GPC6: variants seen among roughly 807,000 people sequenced by gnomAD.
GPC6 encodes the protein glypican 6.
In GPC6, 14 loss-of-function variants were observed where a neutral mutation model predicts 55.2. That is an observed-to-expected ratio of 0.25 (90% CI 0.17 to 0.40). The LOEUF (loss-of-function observed/expected upper bound fraction) is 0.40, where lower values mean the gene tolerates loss of function less well. GPC6 is among the 10% of genes least tolerant of loss of function. The pLI is 1.00. For missense variants in GPC6, 641 were observed against 708.5 expected, an observed-to-expected ratio of 0.90 and a Z score of 1.08; for synonymous variants, 278 against 259.6, an observed-to-expected ratio of 1.07 and a Z score of -0.68.
At chr13:93,999,261 A>T (rs1375242927) in intron 3 of GPC6, among the ~76,000 whole-genome samples, 2 of 152,046 alleles carry the variant, frequency 1.3e-5, no homozygotes, top group African/African-American at 4.8e-5. Flanking sequence ...ACTCCCATTT[A>T]TGAGTGAGGA....
intron 1 of GPC6, among the ~76,000 whole-genome samples, chr13:93,464,467 G>A (rs1594188705): frequency 6.6e-6 from 1 of 152,204 alleles, no homozygotes; most frequent in Non-Finnish European, 1.5e-5. Flanking sequence ...GATGGTCACA[G>A]CATCTTCAGC....
At chr13:94,386,108 C>T (rs1880388400) in intron 7 of GPC6, among the ~76,000 whole-genome samples, 1 of 150,620 alleles carries the variant, frequency 6.6e-6, no homozygotes, top group South Asian at 2.1e-4. Context: ...GCCTGTAATC[C>T]CAGCACTTTG....
intron 1 of GPC6, among the ~76,000 whole-genome samples, chr13:93,519,189 C>A (rs891692905): frequency 1.3e-5 from 2 of 152,030 alleles, no homozygotes; most frequent in African/African-American, 4.8e-5. Context: ...ACTGGTGTAA[C>A]TTTTCTGTAT....
intron 2 of GPC6, among the ~76,000 whole-genome samples, chr13:93,589,726 C>A (rs1048264353): frequency 1.3e-5 from 2 of 152,110 alleles, no homozygotes; most frequent in Non-Finnish European, 2.9e-5. Flanking sequence ...TTAGTAAATG[C>A]ATTTATTGTG....
chr13:93,403,928 T>C (rs188457600), intron 1 of GPC6, among the ~76,000 whole-genome samples: 3 of 152,238 alleles, frequency 2.0e-5, no homozygotes, highest in Admixed American at 1.3e-4. Context: ...TTATTGGAAA[T>C]TTTGATTTAT....
At chr13:93,498,537 C>G (rs1880395575) in intron 1 of GPC6, among the ~76,000 whole-genome samples, 1 of 152,144 alleles carries the variant, frequency 6.6e-6, no homozygotes, top group African/African-American at 2.4e-5. Context: ...CTTTCTTGTG[C>G]TACTCTCATG....
At chr13:93,935,868 A>C (rs899564920) in intron 3 of GPC6, among the ~76,000 whole-genome samples, 1 of 152,254 alleles carries the variant, frequency 6.6e-6, no homozygotes, top group African/African-American at 2.4e-5. Flanking sequence ...TGAAGAATGC[A>C]GATTCCTGGG....
chr13:93,624,996 T>A (rs975029726), intron 2 of GPC6, among the ~76,000 whole-genome samples: 1 of 152,226 alleles, frequency 6.6e-6, no homozygotes, highest in Non-Finnish European at 1.5e-5. Context: ...TCTATGACAT[T>A]ATTTGTCCTT....
intron 2 of GPC6, among the ~76,000 whole-genome samples, chr13:93,782,700 A>G (rs1005051833): frequency 2.0e-5 from 3 of 152,178 alleles, no homozygotes; most frequent in African/African-American, 7.2e-5. Context: ...ACTTTTACAT[A>G]TACCTGTTGA....
At chr13:93,892,758 C>T (rs1456127883) in intron 3 of GPC6, among the ~76,000 whole-genome samples, 3 of 152,160 alleles carry the variant, frequency 2.0e-5, no homozygotes, top group Non-Finnish European at 4.4e-5. Flanking sequence ...TATCATTAAC[C>T]TCTTTCCATT....
At chr13:93,748,657 A>C (rs1884481137) in intron 2 of GPC6, among the ~76,000 whole-genome samples, 2 of 152,122 alleles carry the variant, frequency 1.3e-5, no homozygotes, top group African/African-American at 4.8e-5. Context: ...TATTAGCAGT[A>C]ATTCACAAAG....
intron 2 of GPC6, among the ~76,000 whole-genome samples, chr13:93,575,034 C>G (rs1273782487): frequency 5.9e-5 from 9 of 152,248 alleles, no homozygotes; most frequent in African/African-American, 2.2e-4. Context: ...TGGCTCATGC[C>G]TGTAATCCCA....
In GPC6 at chr13:93,538,531, A is replaced by G. The variant is rs114166962; in HGVS notation, c.161-6732A>G. 4.9e-3 allele frequency among the ~76,000 whole-genome samples: 749 copies of G among 152,286 alleles called. 2 individuals carry two copies. Among genetic ancestry groups the G allele is most frequent in the African/African-American group, 0.017 (696 of 41,576 alleles). On this transcript the variant is annotated intron_variant, in intron 1 of 8. Coordinates refer to ENST00000377047, the MANE Select transcript of GPC6 (RefSeq NM_005708.5). ...TGCTCACATGCCCCAGGCCATGAAT[A>G]AAACTGGGCCAGGATCAGCGTTTTG...
At chr13:93,675,978 A>G (rs993244741) in intron 2 of GPC6, among the ~76,000 whole-genome samples, 1 of 151,852 alleles carries the variant, frequency 6.6e-6, no homozygotes, top group African/African-American at 2.4e-5. Flanking sequence ...GCTTTAAAAA[A>G]TGGTGCCAGA....
intron 1 of GPC6, among the ~76,000 whole-genome samples, chr13:93,506,983 G>A (rs1475287214): frequency 1.4e-5 from 2 of 143,266 alleles, no homozygotes; most frequent in African/African-American, 2.5e-5. Flanking sequence ...GTGTGAACCC[G>A]GGAGGGAGGC....
intron 6 of GPC6, among the ~76,000 whole-genome samples, chr13:94,343,437 G>C (rs1354819706): frequency 1.3e-5 from 2 of 152,154 alleles, no homozygotes; most frequent in Non-Finnish European, 2.9e-5. Flanking sequence ...AGGTTGTTTA[G>C]CTTACTAAGT....
chr13:93,393,127 T>TATATATATATATAG lies in GPC6; in HGVS notation c.161-152135_161-152134insTATATATATATAGA, dbSNP rs1230857277. 4.6e-5 allele frequency among the ~76,000 whole-genome samples: 4 copies of TATATATATATATAG among 87,624 alleles called. No individual in the cohort carries two copies. The South Asian group carries it at 1.2e-3, about 26-fold the overall frequency. 57.5% of individuals were successfully genotyped at this position (87,624 alleles called of 152,430 possible). A position where few individuals can be genotyped will look rare whatever the true frequency, so the allele number is the denominator to read the frequency against. ...TATTTGATATATATATATATATATA[T>TATATATATATATAG]AGAGAGAGAGAGAGAGAGAGAGAGA... On this transcript the variant is annotated intron_variant, in intron 1 of 8. Coordinates refer to ENST00000377047, the MANE Select transcript of GPC6 (RefSeq NM_005708.5).
intron 3 of GPC6, among the ~76,000 whole-genome samples, chr13:93,989,919 C>T (rs865829107): frequency 4.2e-5 from 5 of 119,282 alleles, no homozygotes; most frequent in Non-Finnish European, 5.7e-5. Context: ...TATATACACA[C>T]ATATATATAT....
rs556916835 is a variant in GPC6 at position 93,698,050 on chromosome 13, T to A, written c.320-132104T>A. Among the ~76,000 whole-genome samples the A allele has an allele frequency of 1.1e-3, 166 of 152,304 alleles. 1 individual carries two copies. Among genetic ancestry groups the A allele is most frequent in the African/African-American group, 3.9e-3 (161 of 41,586 alleles). On this transcript the variant is annotated intron_variant, in intron 2 of 8. Coordinates refer to ENST00000377047, the MANE Select transcript of GPC6 (RefSeq NM_005708.5). ...GTCAAATATCCTAAAGTGGAGAAAT[T>A]CTTTAAGGAGTACGCCAAAGTTGTC...
Sources: allele counts gnomAD v4.1 joint callset (sites outside exome capture counted in the v4.1 genomes callset), GRCh38; gene constraint gnomAD v4.1.1; transcripts MANE v1.5; gene names NCBI Gene and HGNC (gene_info 2026-07-23, HGNC 2026-07-21).